The following RBFOX1 variants were observed in gnomAD, a reference collection of about 807,000 sequenced individuals.
The protein encoded by RBFOX1 is RNA binding fox-1 homolog 1.
Under a neutral mutation model 57.7 loss-of-function variants are expected in RBFOX1, and 8 were observed. That is an observed-to-expected ratio of 0.14 (90% CI 0.08 to 0.25). The LOEUF (loss-of-function observed/expected upper bound fraction) is 0.25. Among genes scored for constraint, RBFOX1 ranks in the 10% least tolerant of loss-of-function variants. The pLI, the probability that RBFOX1 is intolerant of heterozygous loss-of-function variation, is 1.00. For missense variants in RBFOX1, 611 were observed against 548.5 expected (o/e 1.11, Z -1.14); for synonymous variants, 326 against 222.4 (o/e 1.47, Z -4.15).
At chr16:6,449,181 C>G (rs1393136975) in intron 2 of RBFOX1, among the ~76,000 whole-genome samples, 2 of 152,166 alleles carry the variant, frequency 1.3e-5, no homozygotes, top group Non-Finnish European at 2.9e-5. Flanking sequence ...TGGAACAGGT[C>G]AAGTGCTGCA....
At chr16:5,849,335 C>T (rs924613433) in intron 3 of RBFOX1, among the ~76,000 whole-genome samples, 9 of 152,042 alleles carry the variant, frequency 5.9e-5, no homozygotes, top group African/African-American at 1.7e-4. Context: ...TGGGTCCAAA[C>T]AGGAGACTTG....
At chr16:5,743,457 T>C (rs2052856946) in intron 3 of RBFOX1, among the ~76,000 whole-genome samples, 1 of 152,184 alleles carries the variant, frequency 6.6e-6, no homozygotes, top group African/African-American at 2.4e-5. Flanking sequence ...ACATAGTACC[T>C]ACAAGCTGTG....
intron 1 of RBFOX1, among the ~76,000 whole-genome samples, chr16:6,060,494 A>T (rs1250939960): frequency 6.6e-6 from 1 of 152,088 alleles, no homozygotes; most frequent in Non-Finnish European, 1.5e-5. Context: ...TCTCCTTGTC[A>T]TGCTTTTGGT....
At chr16:7,416,710 G>C (rs2098481226) in intron 4 of RBFOX1, among the ~76,000 whole-genome samples, 2 of 150,784 alleles carry the variant, frequency 1.3e-5, no homozygotes, top group Middle Eastern at 3.4e-3. Flanking sequence ...TGAGTAAAAG[G>C]CAAGCGACTT....
chr16:6,477,155 A>G (rs949333654), intron 2 of RBFOX1, among the ~76,000 whole-genome samples: 1 of 152,220 alleles, frequency 6.6e-6, no homozygotes, highest in Admixed American at 6.5e-5. Context: ...AACTTATTCC[A>G]AACTCCTGTT....
rs371868728 is a variant in RBFOX1 at position 7,205,603 on chromosome 16, C to G, written c.27+153505C>G. Among the ~76,000 whole-genome samples, 14 of 152,182 alleles carry G rather than the reference C, an allele frequency of 9.2e-5. No individual in the cohort carries two copies. In the South Asian group the frequency reaches 2.9e-3, roughly 32 times the overall value. On this transcript the variant is annotated intron_variant, in intron 4 of 15. Coordinates refer to ENST00000550418, the MANE Select transcript of RBFOX1 (RefSeq NM_018723.4). ...AGAATGTTCCTATCCACCCTGTTTT[C>G]ACTTCTACAATCTGTGTTTACAAAA...
intron 4 of RBFOX1, among the ~76,000 whole-genome samples, chr16:7,514,033 C>T (rs937623835): frequency 2.0e-5 from 3 of 152,278 alleles, no homozygotes; most frequent in East Asian, 3.9e-4. Flanking sequence ...GCCCAAACTA[C>T]TTATGCAATA....
chr16:7,148,746 G>A (rs982696323), intron 4 of RBFOX1, among the ~76,000 whole-genome samples: 46 of 152,282 alleles, frequency 3.0e-4, no homozygotes, highest in African/African-American at 8.4e-4. Flanking sequence ...GCAGAAACCC[G>A]AAGAGGCCTG....
intron 3 of RBFOX1, among the ~76,000 whole-genome samples, chr16:6,767,862 C>T (rs932108270): frequency 2.8e-4 from 42 of 149,814 alleles, no homozygotes; most frequent in East Asian, 2.8e-3. Flanking sequence ...TGCAGTGAGC[C>T]GAGATCGCGC....
chr16:5,657,208 C>G (rs2049459419), intron 3 of RBFOX1, among the ~76,000 whole-genome samples: 1 of 152,186 alleles, frequency 6.6e-6, no homozygotes, highest in African/African-American at 2.4e-5. Flanking sequence ...TTGGAGAACT[C>G]TGGTTTCACT....
chr16:5,800,982 TA>T (rs2055037909), intron 3 of RBFOX1, among the ~76,000 whole-genome samples: 1 of 152,160 alleles, frequency 6.6e-6, no homozygotes, highest in Non-Finnish European at 1.5e-5. Flanking sequence ...GAGGCAGGCT[TA>T]AGTGCAAGAG....
chr16:5,968,367 C>G (rs538912444), intron 4 of RBFOX1, among the ~76,000 whole-genome samples: 6 of 152,156 alleles, frequency 3.9e-5, no homozygotes, highest in Non-Finnish European at 1.5e-5. Context: ...GAGCCACTGC[C>G]CTGGCCTCTC....
At chr16:7,075,035 A>T (rs2058049243) in intron 4 of RBFOX1, among the ~76,000 whole-genome samples, 1 of 152,156 alleles carries the variant, frequency 6.6e-6, no homozygotes, top group Admixed American at 6.5e-5. Flanking sequence ...GGGGCAAAGG[A>T]ACTCCCCAAA....
chr16:5,556,751 G>T (rs537092145), intron 2 of RBFOX1, among the ~76,000 whole-genome samples: 1 of 152,166 alleles, frequency 6.6e-6, no homozygotes, highest in Non-Finnish European at 1.5e-5. Context: ...ATGTCCCCAT[G>T]GAAAGAAAGA....
chr16:5,315,299 A>T (rs1285403837), intron 1 of RBFOX1, among the ~76,000 whole-genome samples: 1 of 152,244 alleles, frequency 6.6e-6, no homozygotes, highest in East Asian at 1.9e-4. Context: ...AGTCAAAATT[A>T]GCATTTCCAT....
intron 1 of RBFOX1, among the ~76,000 whole-genome samples, chr16:5,392,625 A>G (rs112221391): frequency 1.3e-5 from 2 of 151,312 alleles, no homozygotes; most frequent in African/African-American, 2.4e-5. Context: ...TGAAGCGTCG[A>G]CCTCCTGGGT....
At chr16:6,782,647 A>G (rs1054812651) in intron 3 of RBFOX1, among the ~76,000 whole-genome samples, 2 of 152,176 alleles carry the variant, frequency 1.3e-5, no homozygotes, top group African/African-American at 2.4e-5. Flanking sequence ...TCGGCCTAAC[A>G]TATGGTCTAC....
intron 3 of RBFOX1, among the ~76,000 whole-genome samples, chr16:6,866,667 G>A (rs981247944): frequency 6.7e-6 from 1 of 149,094 alleles, no homozygotes; most frequent in East Asian, 2.1e-4. Flanking sequence ...TCAGCCTTCC[G>A]AGTAGCTGGG....
intron 3 of RBFOX1, among the ~76,000 whole-genome samples, chr16:6,727,834 C>G (rs1268652988): frequency 6.6e-6 from 1 of 152,144 alleles, no homozygotes; most frequent in Admixed American, 6.5e-5. Context: ...CTTTGTTTCT[C>G]TGTTCCTCCT....
Sources: allele counts gnomAD v4.1 joint callset (sites outside exome capture counted in the v4.1 genomes callset), GRCh38; gene constraint gnomAD v4.1.1; transcripts MANE v1.5; gene names NCBI Gene and HGNC (gene_info 2026-07-23, HGNC 2026-07-21).